NRG2: variants seen among roughly 807,000 people sequenced by gnomAD.
The protein encoded by NRG2 is neuregulin 2, also known as pro-neuregulin-2, membrane-bound isoform.
A neutral mutation model predicts 73.9 loss-of-function variants in NRG2; 27 were observed. That is an observed-to-expected ratio of 0.37 (90% CI 0.27 to 0.50). The LOEUF (loss-of-function observed/expected upper bound fraction) is 0.50. Among genes scored for constraint, NRG2 ranks in the 20% least tolerant of loss-of-function variants. The pLI, the probability that NRG2 is intolerant of heterozygous loss-of-function variation, is 0.96. For missense variants in NRG2, 1,126 were observed against 1,210.1 expected, an observed-to-expected ratio of 0.93 and a Z score of 1.03; for synonymous variants, 532 against 541.0, an observed-to-expected ratio of 0.98 and a Z score of 0.23.
chr5:140,015,331 T>C (rs1759683155), intron 1 of NRG2, among the ~76,000 whole-genome samples: 1 of 152,192 alleles, frequency 6.6e-6, no homozygotes, highest in South Asian at 2.1e-4. Context: ...AACTCAAATA[T>C]TACTCAATGA....
chr5:139,975,124 C>T lies in NRG2; in HGVS notation c.700+67246G>A, dbSNP rs547357554. 5.9e-5 allele frequency among the ~76,000 whole-genome samples: 9 copies of T among 152,294 alleles called. No homozygotes were observed. The South Asian group carries it at 1.0e-3, about 18-fold the overall frequency. ...GTGCAGGCCACCCCCAATAATATCGCGATGTCCCTGTACCTCTCCATTCTT... is the reference window on the plus strand; with the variant it reads ...GTGCAGGCCACCCCCAATAATATCGTGATGTCCCTGTACCTCTCCATTCTT... On this transcript the variant is annotated intron_variant, in intron 1 of 9. Transcript: ENST00000361474.
At chr5:139,920,750 C>G (rs570313452) in intron 1 of NRG2, among the ~76,000 whole-genome samples, 4 of 152,066 alleles carry the variant, frequency 2.6e-5, no homozygotes, top group African/African-American at 7.2e-5. Context: ...CAGAATACTC[C>G]AGACAAAACA....
At chr5:139,902,674 T>C (rs1764963536) in intron 1 of NRG2, among the ~76,000 whole-genome samples, 1 of 152,098 alleles carries the variant, frequency 6.6e-6, no homozygotes, top group South Asian at 2.1e-4. Flanking sequence ...CTAGCTACCC[T>C]TCCAAAATGC....
At chr5:139,882,799 T>G (rs1184799414) in intron 2 of NRG2, among the ~76,000 whole-genome samples, 1 of 152,108 alleles carries the variant, frequency 6.6e-6, no homozygotes, top group Non-Finnish European at 1.5e-5. Context: ...CAGCATCATA[T>G]GTAGCAGGAC....
In NRG2 at chr5:139,848,182, A is replaced by G; in HGVS notation, c.2288T>C (p.Leu763Pro). 2 of 1,403,430 alleles carry G rather than the reference A, an allele frequency of 1.4e-6. No individual in the cohort carries two copies. The highest frequency in any genetic ancestry group is 9.2e-7 in the Non-Finnish European group (1 of 1,084,498). The allele number at this position is 1,403,430 out of a possible 1,614,324, so 86.9% of individuals were successfully genotyped here. ...AQRARAARDS[L>P]SLSSGSGGGS... The stretch of plus-strand genomic sequence containing the variant: ...GCCGCCCGAGCCGCTGCTCAGCGAC[A>G]GCGAGTCCCTCGCCGCCCGTGCGCG... The change falls in exon 10 of 10, where the codon CTG becomes CCG. Residue 763 changes from leucine (L) to proline (P), a missense_variant. Leu to Pro is a moderately conservative substitution (Grantham distance 98). This residue lies in a region of NRG2 where 402 missense variants were observed against 357.8 expected (regional missense o/e 1.12). Coordinates refer to ENST00000361474, the MANE Select transcript of NRG2 (RefSeq NM_004883.3).
intron 1 of NRG2, among the ~76,000 whole-genome samples, chr5:139,892,337 A>AT (rs1764266614): frequency 6.6e-6 from 1 of 152,286 alleles, no homozygotes; most frequent in Admixed American, 6.5e-5. Context: ...ATTAGAGGCT[A>AT]TAAGTTGGGG....
intron 1 of NRG2, among the ~76,000 whole-genome samples, chr5:139,896,998 C>T (rs1764587478): frequency 6.6e-6 from 1 of 152,164 alleles, no homozygotes; most frequent in Admixed American, 6.5e-5. Context: ...TCTACATTCC[C>T]CTACCACTTC....
At chr5:139,880,777 A>G (rs1561650159) in intron 3 of NRG2, 79 bp downstream of exon 3, 2 of 1,014,394 alleles carry the variant, frequency 2.0e-6, no homozygotes, top group Non-Finnish European at 3.0e-6. Context: ...GATCACATGC[A>G]GGCCCCAAGG....
intron 1 of NRG2, among the ~76,000 whole-genome samples, chr5:139,956,522 G>A (rs566722798): frequency 6.8e-4 from 103 of 152,200 alleles, no homozygotes; most frequent in African/African-American, 2.3e-3. Flanking sequence ...GGTCCCCAGC[G>A]CAGGCTTCTC....
intron 1 of NRG2, among the ~76,000 whole-genome samples, chr5:140,035,150 A>G (rs1045789119): frequency 6.6e-6 from 1 of 152,072 alleles, no homozygotes; most frequent in Non-Finnish European, 1.5e-5. Context: ...TTATTATTCC[A>G]TAAACATCCC....
At chr5:139,969,023 C>T (rs6882558) in intron 1 of NRG2, among the ~76,000 whole-genome samples, 9,893 of 152,288 alleles carry the variant, frequency 0.065, 453 homozygotes, top group African/African-American at 0.12. Flanking sequence ...AGGGTTCCGG[C>T]GCTTGCAATC....
chr5:140,036,810 G>A (rs1014962134), intron 1 of NRG2, among the ~76,000 whole-genome samples: 3 of 152,150 alleles, frequency 2.0e-5, no homozygotes, highest in Non-Finnish European at 1.5e-5. Context: ...AAAGATCTAA[G>A]AACAAGTTGT....
At chr5:139,929,437 T>C (rs898155068) in intron 1 of NRG2, among the ~76,000 whole-genome samples, 2 of 152,194 alleles carry the variant, frequency 1.3e-5, no homozygotes, top group Non-Finnish European at 2.9e-5. Context: ...CGTTTTCTCA[T>C]TCCTTATTGT....
chr5:139,949,449 C>CT (rs941440640), intron 1 of NRG2, among the ~76,000 whole-genome samples: 5 of 150,568 alleles, frequency 3.3e-5, no homozygotes, highest in East Asian at 1.9e-4. Context: ...TTAACTAATA[C>CT]TTTTTTTTTT....
intron 1 of NRG2, among the ~76,000 whole-genome samples, chr5:139,916,733 C>G (rs560333152): frequency 6.6e-6 from 1 of 152,198 alleles, no homozygotes; most frequent in East Asian, 1.9e-4. Flanking sequence ...GTATTCATAC[C>G]TTTTTTGTGG....
At chr5:139,967,490 C>T (rs1755621477) in intron 1 of NRG2, among the ~76,000 whole-genome samples, 1 of 152,200 alleles carries the variant, frequency 6.6e-6, no homozygotes, top group Non-Finnish European at 1.5e-5. Flanking sequence ...ACGCTGCTGC[C>T]GTGCACAAGG....
chr5:139,869,464 C>T lies in NRG2; in HGVS notation c.1112+2257G>A, dbSNP rs1445985857. ...CAGGAACCCCAAGAGGCCTGCCCAC[C>T]TTCCCTCCCAGCTCGTCCACCCGCA... On this transcript the variant is annotated intron_variant, in intron 4 of 9. Coordinates refer to ENST00000361474, the MANE Select transcript of NRG2 (RefSeq NM_004883.3). This position sits in a 1 kb window ranked among gnomAD's most constrained non-coding sequence, Gnocchi z 4.5. The T allele has an allele frequency of 6.6e-6, 1 of 152,426 alleles. No homozygotes were observed. Among genetic ancestry groups the T allele is most frequent in the Non-Finnish European group, 1.5e-5 (1 of 68,126 alleles). The allele number at this position is 152,426 out of a possible 1,614,324, so 9.4% of individuals were successfully genotyped here. A position where few individuals can be genotyped will look rare whatever the true frequency, so the allele number is the denominator to read the frequency against.
chr5:140,015,037 C>T (rs958004370), intron 1 of NRG2, among the ~76,000 whole-genome samples: 27 of 152,190 alleles, frequency 1.8e-4, no homozygotes, highest in Admixed American at 1.7e-3. Flanking sequence ...ATCTACCTGC[C>T]TAGCTCCCTT....
intron 1 of NRG2, among the ~76,000 whole-genome samples, chr5:139,991,141 T>TG (rs1373473283): frequency 7.2e-5 from 11 of 151,738 alleles, no homozygotes; most frequent in African/African-American, 9.7e-5. Flanking sequence ...TGGCATGGTG[T>TG]GGGGGGGTGC....
Sources: gnomAD v4.1 joint callset for allele counts (sites outside exome capture counted in the v4.1 genomes callset) on GRCh38, gnomAD v4.1.1 for gene constraint, gnomAD v4.1.1 regional missense constraint, Gnocchi (gnomAD v3.1) non-coding constraint, MANE v1.5 for transcripts, NCBI Gene and HGNC (gene_info 2026-07-23, HGNC 2026-07-21) for gene names.